Variants in CACNA1S observed in about 807,000 individuals in gnomAD.
The protein encoded by CACNA1S is voltage-dependent L-type calcium channel subunit alpha-1S.
In CACNA1S, 126 loss-of-function variants were observed where a neutral mutation model predicts 207.4. The observed-to-expected ratio is 0.61, with a 90% CI of 0.53 to 0.70. CACNA1S has a LOEUF of 0.70. Ranked by LOEUF, CACNA1S falls within the 30% of genes least tolerant of loss-of-function variation. The pLI, the probability that CACNA1S is intolerant of heterozygous loss-of-function variation, is 0.00. For missense variants in CACNA1S, 2,349 were observed against 2,422.8 expected, an observed-to-expected ratio of 0.97 and a Z score of 0.64; for synonymous variants, 960 against 932.7, an observed-to-expected ratio of 1.03 and a Z score of -0.53.
intron 13 of CACNA1S, 38 bp downstream of exon 13, chr1:201,075,457 C>A: frequency 1.2e-6 from 2 of 1,606,274 alleles, no homozygotes; most frequent in South Asian, 1.1e-5. Context: ...CCACCCCCTC[C>A]CTAAGCTCTT....
At chr1:201,049,729 GGT>G (rs1469826086) in intron 34 of CACNA1S, among the ~76,000 whole-genome samples, 2 of 152,206 alleles carry the variant, frequency 1.3e-5, no homozygotes, top group Non-Finnish European at 2.9e-5. Flanking sequence ...AGGACCTGTG[GGT>G]GGCTGGTAGA....
chr1:201,099,773 G>C (rs952087775), intron 2 of CACNA1S, among the ~76,000 whole-genome samples: 2 of 152,160 alleles, frequency 1.3e-5, no homozygotes, highest in African/African-American at 4.8e-5. Flanking sequence ...CTTTCCTCCC[G>C]GATTCCCTCA....
chr1:201,088,150 CT>C, intron 6 of CACNA1S, among the ~76,000 whole-genome samples: 1 of 152,318 alleles, frequency 6.6e-6, no homozygotes, highest in East Asian at 1.9e-4. Context: ...ACCTTGCTGA[CT>C]GCCTACCTGG....
chr1:201,040,199 C>A (rs1266375872), intron 43 of CACNA1S, 32 bp downstream of exon 43: 1 of 1,612,576 alleles, frequency 6.2e-7, no homozygotes, highest in African/African-American at 1.3e-5. Context: ...CCACTCAATG[C>A]AGCCACTGCT....
intron 5 of CACNA1S, among the ~76,000 whole-genome samples, chr1:201,090,266 A>C (rs1238001005): frequency 6.6e-6 from 1 of 152,226 alleles, no homozygotes; most frequent in African/African-American, 2.4e-5. Context: ...GCTGCTCAGC[A>C]TTCCTCAAGA....
At chr1:201,103,166 A>T (rs1318735767) in intron 2 of CACNA1S, among the ~76,000 whole-genome samples, 1 of 151,714 alleles carries the variant, frequency 6.6e-6, no homozygotes, top group African/African-American at 2.4e-5. Flanking sequence ...GAATTGCTTG[A>T]ACCTGGGAAG....
rs1348237087 is a variant in CACNA1S, at chr1:201,110,134, C to T, written c.258+30G>A. 3.1e-6 allele frequency: 5 copies of T among 1,597,734 alleles called. No individual in the cohort carries two copies. The Admixed American group carries it at 5.0e-5, about 16-fold the overall frequency. ...CCCCAAGCCTGGGGCTGCAGGCTCG[C>T]AGGAAGGGAGATGGAAGGGCCAATC... On this transcript the variant is annotated intron_variant, in intron 2 of 43. Transcript: ENST00000362061.
intron 10 of CACNA1S, among the ~76,000 whole-genome samples, chr1:201,079,784 T>C (rs1661776076): frequency 6.6e-6 from 1 of 152,180 alleles, no homozygotes; most frequent in African/African-American, 2.4e-5. Flanking sequence ...CCTGACCCCA[T>C]TGCTGCGGAT....
At chr1:201,049,951 C>T (rs74138819) in intron 34 of CACNA1S, among the ~76,000 whole-genome samples, 1,770 of 152,262 alleles carry the variant, frequency 0.012, 32 homozygotes, top group African/African-American at 0.04. Context: ...AGTAAGAGAG[C>T]CGTGCTCTCC....
chr1:201,077,826 A>G (rs1661682456), intron 11 of CACNA1S, 53 bp downstream of exon 11: 10 of 1,283,748 alleles, frequency 7.8e-6, no homozygotes, highest in South Asian at 1.2e-5. Flanking sequence ...AGACCAGACC[A>G]GCCCGTGGTG....
Position 201,043,480 on chromosome 1 carries a change from A to T in CACNA1S, c.4849T>A (p.Ser1617Thr). 1 of 1,613,806 alleles carries T rather than the reference A, an allele frequency of 6.2e-7. No individual in the cohort carries two copies. Among genetic ancestry groups the T allele is most frequent in the Non-Finnish European group, 8.5e-7 (1 of 1,179,954 alleles). The change falls in exon 40 of 44, where the codon TCC becomes ACC. Residue 1617 changes from serine (S) to threonine (T), a missense_variant. Coordinates refer to ENST00000362061, the MANE Select transcript of CACNA1S (RefSeq NM_000069.3). Reference protein sequence around the residue: ...QVDNFLERTNSLPPVMANQRP... With the variant: ...QVDNFLERTNTLPPVMANQRP... ...TGATTGGCCATGACGGGGGGCAGGG[A>T]GTTGGTCCTTTCCAGGAAGTTGTCC...
intron 40 of CACNA1S, chr1:201,042,004 C>G (rs1255181231): frequency 3.1e-6 from 1 of 317,504 alleles, no homozygotes; most frequent in Admixed American, 4.2e-5. Context: ...CAGAAGCTCC[C>G]TGGATTATCT....
chr1:201,047,549 C>T lies in CACNA1S; in HGVS notation c.4519G>A (p.Asp1507Asn). 1 of 1,614,108 alleles carries T rather than the reference C, an allele frequency of 6.2e-7. No individual in the cohort carries two copies. The highest frequency in any genetic ancestry group is 8.5e-7 in the Non-Finnish European group (1 of 1,179,932). The change falls in exon 37 of 44, where the codon GAC becomes AAC. Residue 1507 changes from aspartate (D) to asparagine (N), a missense_variant. Physicochemically the swap from Asp to Asn is conservative, Grantham distance 23 (BLOSUM62 1). Transcript: ENST00000362061. ...IWKRTSMKLL[D>N]QVIPPIGDDE... Reference sequence around the variant, plus strand: ...CCTCCTATTGGAGGGATGACCTGGTCCAAGAGCTTCATGCTGGTTCTCTTC... The same window carrying T: ...CCTCCTATTGGAGGGATGACCTGGTTCAAGAGCTTCATGCTGGTTCTCTTC...
Position 201,043,199 on chromosome 1 carries a change from C to A in CACNA1S, c.5048+82G>T. 2.5e-6 allele frequency: 4 copies of A among 1,587,746 alleles called. 1 individual carries two copies. The South Asian group carries it at 4.5e-5, about 18-fold the overall frequency. ...AAAGACACCCTACAAATTTGGGGTA[C>A]CCTCTTCCAATCCAACCTGGAACCT... On this transcript the variant is annotated intron_variant, in intron 40 of 43. Transcript: ENST00000362061.
chr1:201,072,704 C>T (rs1661467501), intron 16 of CACNA1S, 51 bp downstream of exon 16: 3 of 1,398,726 alleles, frequency 2.1e-6, no homozygotes, highest in Non-Finnish European at 3.0e-6. Context: ...GACCGGCACA[C>T]CCCTACTTCA....
chr1:201,066,849 G>A lies in CACNA1S; in HGVS notation c.2657+38C>T, dbSNP rs1428728740. The A allele has an allele frequency of 6.9e-7, 1 of 1,442,210 alleles. No homozygotes were observed. The highest frequency in any genetic ancestry group is 9.8e-7 in the Non-Finnish European group (1 of 1,025,124). 89.3% of individuals were successfully genotyped at this position (1,442,210 alleles called of 1,614,324 possible). ...ACAAAGCCCTGGCACAGAGCAGAGG[G>A]TGGTCTGTGCCCAGGGCTGGCCCTT... On this transcript the variant is annotated intron_variant, in intron 20 of 43. Coordinates refer to ENST00000362061, the MANE Select transcript of CACNA1S (RefSeq NM_000069.3). The surrounding 1 kb of genome is among the most constrained non-coding windows in gnomAD (Gnocchi z 4.3).
In CACNA1S at chr1:201,091,760, C is replaced by A. The variant is rs775938436; in HGVS notation, c.574G>T (p.Ala192Ser). ...GCGATGTGAAAGAGGGGGAGCATGGCCTTGAAGATGGAGTTCAGGACCACC... is the reference window on the plus strand; with the variant it reads ...GCGATGTGAAAGAGGGGGAGCATGGACTTGAAGATGGAGTTCAGGACCACC... ...LQVVLNSIFK[A>S]MLPLFHIALL... Residue 192 changes from alanine to serine, a missense_variant, in exon 5 of 44, where the codon GCC becomes TCC. Transcript: ENST00000362061. The A allele has an allele frequency of 1.2e-6, 2 of 1,614,074 alleles. No individual in the cohort carries two copies. The highest frequency in any genetic ancestry group is 3.3e-5 in the Admixed American group (2 of 60,014).
chr1:201,047,008 C>T (rs1660492029), intron 38 of CACNA1S, 107 bp downstream of exon 38: 9 of 1,450,938 alleles, frequency 6.2e-6, no homozygotes, highest in Non-Finnish European at 8.7e-6. Context: ...TTCCTTTTTC[C>T]CTCTATGTCT....
chr1:201,097,314 C>T (rs914065639), intron 2 of CACNA1S, among the ~76,000 whole-genome samples: 3 of 152,194 alleles, frequency 2.0e-5, no homozygotes, highest in Non-Finnish European at 4.4e-5. Context: ...AATGCGTTTC[C>T]GTGGCATGCA....
Sources: gnomAD v4.1 joint callset for allele counts (sites outside exome capture counted in the v4.1 genomes callset) on GRCh38, gnomAD v4.1.1 for gene constraint, Gnocchi (gnomAD v3.1) non-coding constraint, MANE v1.5 for transcripts, NCBI Gene and HGNC (gene_info 2026-07-23, HGNC 2026-07-21) for gene names.